ITGA4: variants seen among roughly 807,000 people sequenced by gnomAD.
ITGA4 encodes the protein integrin alpha-4.
ITGA4 carries 63 observed loss-of-function variants against 133.6 expected under a neutral mutation model. The ratio of observed to expected loss-of-function variants is 0.47; its 90% CI spans 0.38 to 0.58. ITGA4 has a LOEUF of 0.58. Among genes scored for constraint, ITGA4 ranks in the 20% least tolerant of loss-of-function variants. The pLI is 0.00. For missense variants in ITGA4, 1,076 were observed against 1,252.7 expected, an observed-to-expected ratio of 0.86 and a Z score of 2.13; for synonymous variants, 483 against 438.0, an observed-to-expected ratio of 1.10 and a Z score of -1.28.
rs199675603 is a variant in ITGA4, at chr2:181,495,350, G to T, written c.1340-21G>T. 6.3e-7 allele frequency: 1 copy of T among 1,590,454 alleles called. No homozygotes were observed. Among genetic ancestry groups the T allele is most frequent in the Non-Finnish European group, 8.6e-7 (1 of 1,158,814 alleles). ...TTTGACTAATGATGATCATTAATCT[G>T]TGTTGTTTTTTATCCTCCAGATGTA... On this transcript the variant is annotated intron_variant, in intron 12 of 27. Coordinates refer to ENST00000397033, the MANE Select transcript of ITGA4 (RefSeq NM_000885.6). This position sits in a 1 kb window ranked among gnomAD's most constrained non-coding sequence, Gnocchi z 4.3.
chr2:181,518,589 T>C (rs1156607560), intron 17 of ITGA4, among the ~76,000 whole-genome samples: 1 of 152,126 alleles, frequency 6.6e-6, no homozygotes, highest in Non-Finnish European at 1.5e-5. Flanking sequence ...CCTGCATTTT[T>C]TTCTGTGAAG....
chr2:181,500,900 A>G (rs997965494), intron 15 of ITGA4, among the ~76,000 whole-genome samples: 1 of 152,196 alleles, frequency 6.6e-6, no homozygotes, highest in East Asian at 1.9e-4. Context: ...TATACATTTT[A>G]TAGTATTTTG....
intron 10 of ITGA4, among the ~76,000 whole-genome samples, chr2:181,488,297 G>A (rs1018944856): frequency 6.6e-6 from 1 of 152,110 alleles, no homozygotes; most frequent in Non-Finnish European, 1.5e-5. Flanking sequence ...GGACAGTGCA[G>A]TCTCTCAATT....
intron 2 of ITGA4, among the ~76,000 whole-genome samples, chr2:181,472,268 C>T (rs1213566895): frequency 6.6e-6 from 1 of 152,208 alleles, no homozygotes; most frequent in Non-Finnish European, 1.5e-5. Flanking sequence ...TAACAATACA[C>T]TATTTTTGCA....
chr2:181,474,804 T>A (rs185493617), intron 2 of ITGA4, among the ~76,000 whole-genome samples, 156 bp from the exon 3 acceptor site: 1 of 152,228 alleles, frequency 6.6e-6, no homozygotes, highest in African/African-American at 2.4e-5. Context: ...GAATAATTAG[T>A]TGGCACAGAG....
rs762176587 is a variant in ITGA4, at chr2:181,457,703, C to A, written c.49C>A (p.Arg17=). The change falls in exon 1 of 28, where the codon CGG becomes AGG. Residue 17 remains arginine (R), a synonymous_variant. Coordinates refer to ENST00000397033, the MANE Select transcript of ITGA4 (RefSeq NM_000885.6). ...REPGPRRAAV[R]ETVMLLLCLG... ...ACCCGGCCCCCGAAGGGCCGCCGTC[C>A]GGGAGACGGTGATGCTGTTGCTGTG... 5 of 1,612,080 alleles carry A rather than the reference C, an allele frequency of 3.1e-6. 1 individual carries two copies. The highest frequency in any genetic ancestry group is 2.2e-5 in the East Asian group (1 of 44,780).
At chr2:181,515,849 C>T (rs972476307) in intron 17 of ITGA4, among the ~76,000 whole-genome samples, 2 of 152,044 alleles carry the variant, frequency 1.3e-5, no homozygotes, top group Non-Finnish European at 2.9e-5. Context: ...ATACATTCTC[C>T]CAGCTATAAC....
intron 10 of ITGA4, among the ~76,000 whole-genome samples, chr2:181,491,671 C>A (rs1458755258): frequency 4.5e-5 from 1 of 22,288 alleles, no homozygotes; most frequent in African/African-American, 1.1e-4. Context: ...GAAGTATAAA[C>A]CCAGCCCTGA....
chr2:181,503,222 A>G (rs1686319299), intron 15 of ITGA4, among the ~76,000 whole-genome samples: 1 of 152,154 alleles, frequency 6.6e-6, no homozygotes, highest in African/African-American at 2.4e-5. Context: ...ATTTACTTAC[A>G]AAATCCATTG....
chr2:181,481,564 C>T lies in ITGA4; in HGVS notation c.755-34C>T, dbSNP rs759696220. On this transcript the variant is annotated intron_variant, in intron 6 of 27. Transcript: ENST00000397033. ...CATATTACCATATGATGTACTTTAC[C>T]CAGGACTCTCATACTTTCTCCCTTT... is the stretch of plus-strand genomic sequence containing the variant. 7 of 1,182,336 alleles carry T rather than the reference C, an allele frequency of 5.9e-6. No individual in the cohort carries two copies. The African/African-American group carries it at 6.1e-5, about 10-fold the overall frequency. 73.2% of individuals were successfully genotyped at this position (1,182,336 alleles called of 1,614,324 possible).
At chr2:181,476,600 T>C (rs1460099110) in intron 4 of ITGA4, among the ~76,000 whole-genome samples, 2 of 152,206 alleles carry the variant, frequency 1.3e-5, no homozygotes, top group Non-Finnish European at 2.9e-5. Flanking sequence ...TTTGTAATAA[T>C]AGACCTTTAT....
intron 27 of ITGA4, 89 bp downstream of exon 27, chr2:181,535,024 T>G (rs1687029694): frequency 7.3e-7 from 1 of 1,374,662 alleles, no homozygotes; most frequent in Non-Finnish European, 9.7e-7. Context: ...GATTTAAATA[T>G]TTCACTATTT....
At chr2:181,506,609 G>A (rs1441523042) in intron 15 of ITGA4, among the ~76,000 whole-genome samples, 1 of 151,986 alleles carries the variant, frequency 6.6e-6, no homozygotes, top group East Asian at 1.9e-4. Context: ...ATTACATAAA[G>A]ACATAGAATA....
intron 20 of ITGA4, among the ~76,000 whole-genome samples, chr2:181,524,864 G>T (rs1002927417): frequency 4.0e-5 from 6 of 151,662 alleles, no homozygotes; most frequent in African/African-American, 1.5e-4. Context: ...GAGAGTAATA[G>T]ATTTGTTTCT....
intron 20 of ITGA4, chr2:181,524,465 G>C: frequency 4.7e-6 from 2 of 427,220 alleles, no homozygotes; most frequent in Non-Finnish European, 8.1e-6. Context: ...GATTAGATTA[G>C]AGTAGACATG....
At chr2:181,526,306 A>G (rs780489042) in intron 21 of ITGA4, among the ~76,000 whole-genome samples, 19 of 152,182 alleles carry the variant, frequency 1.2e-4, no homozygotes, top group Non-Finnish European at 2.5e-4. Flanking sequence ...ATTTTGAACA[A>G]GGTATGTTCA....
chr2:181,535,403 C>A (rs146559560), intron 27 of ITGA4, 29 bp from the exon 28 acceptor site: 1 of 1,531,252 alleles, frequency 6.5e-7, no homozygotes, highest in Admixed American at 1.8e-5. Flanking sequence ...CATAACTATA[C>A]ACTAGTGATT....
rs74321798 is a variant in ITGA4, at chr2:181,500,268, C to A, written c.1695+1491C>A. Among the ~76,000 whole-genome samples the A allele has an allele frequency of 9.3e-3, 1,420 of 152,222 alleles. 27 individuals carry two copies. The highest frequency in any genetic ancestry group is 0.032 in the African/African-American group (1,338 of 41,536). ...AGAAAGGCAAAAAGTTACTCCAACC[C>A]TCTCCTTTGTAACAAACCCACACAG... On this transcript the variant is annotated intron_variant, in intron 15 of 27. Coordinates refer to ENST00000397033, the MANE Select transcript of ITGA4 (RefSeq NM_000885.6).
At chr2:181,512,203 A>T (rs980943401) in intron 17 of ITGA4, among the ~76,000 whole-genome samples, 3 of 152,114 alleles carry the variant, frequency 2.0e-5, no homozygotes, top group Admixed American at 2.0e-4. Context: ...AGATGATGTG[A>T]AAACAAGGAC....
Sources: gnomAD v4.1 joint callset for allele counts (sites outside exome capture counted in the v4.1 genomes callset) on GRCh38, gnomAD v4.1.1 for gene constraint, Gnocchi (gnomAD v3.1) non-coding constraint, MANE v1.5 for transcripts, NCBI Gene and HGNC (gene_info 2026-07-23, HGNC 2026-07-21) for gene names.